The following ACSL5 variants were observed in gnomAD, a reference collection of about 807,000 sequenced individuals.
ACSL5 encodes the protein long-chain-fatty-acid--CoA ligase 5.
Under a neutral mutation model 84.9 loss-of-function variants are expected in ACSL5, and 50 were observed. The observed-to-expected ratio is 0.59, with a 90% CI of 0.47 to 0.75. The LOEUF is 0.75. Ranked by LOEUF, ACSL5 falls within the 30% of genes least tolerant of loss-of-function variation. The probability of loss-of-function intolerance (pLI) is 0.00; values close to 1 mark genes in which losing one functional copy is unlikely to be tolerated. For missense variants in ACSL5, 775 were observed against 830.4 expected, an observed-to-expected ratio of 0.93 and a Z score of 0.82; for synonymous variants, 280 against 300.7, an observed-to-expected ratio of 0.93 and a Z score of 0.71.
intron 16 of ACSL5, 79 bp downstream of exon 16, chr10:112,422,114 C>T: frequency 4.0e-6 from 6 of 1,510,384 alleles, no homozygotes; most frequent in Non-Finnish European, 4.6e-6. Flanking sequence ...TGTAAGCAAA[C>T]TTGGATTTGG....
intron 17 of ACSL5, among the ~76,000 whole-genome samples, chr10:112,423,187 C>CAAAAAAAAAAAAAAAAAAAAAAAAAAA (rs1163487735): frequency 6.0e-5 from 1 of 16,564 alleles, no homozygotes; most frequent in Non-Finnish European, 9.1e-5. Flanking sequence ...GTCTCTGTCT[C>CAAAAAAAAAAAAAAAAAAAAAAAAAAA]AAAAAAAAAA....
intron 1 of ACSL5, among the ~76,000 whole-genome samples, chr10:112,386,745 T>C (rs4918745): frequency 0.3 from 45,658 of 151,780 alleles, 6,840 homozygotes; most frequent in Middle Eastern, 0.36. Flanking sequence ...TTTCTAGCCT[T>C]CTTAGGTACT....
At chr10:112,392,214 G>A (rs1275593467) in intron 1 of ACSL5, among the ~76,000 whole-genome samples, 3 of 152,356 alleles carry the variant, frequency 2.0e-5, no homozygotes, top group Non-Finnish European at 2.9e-5. Context: ...GCTCACACCT[G>A]TAATCCCAGC....
Position 112,427,354 on chromosome 10 carries a change from A to C in ACSL5, c.2048A>C (p.Asp683Ala). The stretch of plus-strand genomic sequence containing the variant: ...GACAGCCTGTATGAGCACATCCAGG[A>C]TTAGGATAAGGTACTTAAGTACCTG... The part of the protein sequence containing the change: ...QIDSLYEHIQ[D>A] The change falls in exon 21 of 21, where the codon GAT becomes GCT. Residue 683 changes from aspartate to alanine, a missense_variant. Coordinates refer to ENST00000354655, the MANE Select transcript of ACSL5 (RefSeq NM_203379.2). 6.2e-7 allele frequency: 1 copy of C among 1,612,144 alleles called. No homozygotes were observed. Among genetic ancestry groups the C allele is most frequent in the Non-Finnish European group, 8.5e-7 (1 of 1,179,162 alleles).
intron 5 of ACSL5, among the ~76,000 whole-genome samples, chr10:112,405,759 G>A (rs1247530418): frequency 6.6e-6 from 1 of 152,110 alleles, no homozygotes; most frequent in Non-Finnish European, 1.5e-5. Context: ...TGATAATATA[G>A]GTAGTTGATT....
chr10:112,414,290 G>C (rs935911303), intron 12 of ACSL5, among the ~76,000 whole-genome samples: 3 of 149,628 alleles, frequency 2.0e-5, no homozygotes, highest in Non-Finnish European at 4.4e-5. Context: ...TAGCCAATGA[G>C]ATTTTCTCTT....
At chr10:112,416,470 CAAA>C (rs35770074) in intron 12 of ACSL5, among the ~76,000 whole-genome samples, 69 of 58,398 alleles carry the variant, frequency 1.2e-3, no homozygotes, top group African/African-American at 4.4e-3. Flanking sequence ...GACTCTGTCT[CAAA>C]AAAAAAAAAA....
chr10:112,422,764 G>A (rs1844500394), intron 17 of ACSL5, among the ~76,000 whole-genome samples: 2 of 151,242 alleles, frequency 1.3e-5, no homozygotes, highest in Admixed American at 1.3e-4. Context: ...GCTGAGGCAG[G>A]AGAATCGCTT....
intron 3 of ACSL5, among the ~76,000 whole-genome samples, chr10:112,400,406 CTTTTTTTTTTTT>C (rs573644087): frequency 8.1e-5 from 8 of 98,864 alleles, no homozygotes; most frequent in African/African-American, 1.6e-4. Flanking sequence ...TTTTTCTTTT[CTTTTTTTTTTTT>C]TTTTTTTTTG....
chr10:112,382,571 G>T (rs1363236980), intron 1 of ACSL5, among the ~76,000 whole-genome samples: 1 of 152,158 alleles, frequency 6.6e-6, no homozygotes, highest in South Asian at 2.1e-4. Flanking sequence ...GGCTTATTCT[G>T]CTCCACCTCT....
At chr10:112,420,547 A>T (rs1240308417) in intron 14 of ACSL5, among the ~76,000 whole-genome samples, 1 of 152,008 alleles carries the variant, frequency 6.6e-6, no homozygotes, top group African/African-American at 2.4e-5. Flanking sequence ...CCCTTGTTTT[A>T]TATCATAGTG....
intron 2 of ACSL5, chr10:112,395,894 C>T (rs1843737778): frequency 2.6e-5 from 4 of 152,434 alleles, no homozygotes; most frequent in African/African-American, 9.6e-5. Flanking sequence ...CTCTACTCTC[C>T]AGCTCCTCTC....
chr10:112,423,559 A>C (rs567951312), intron 17 of ACSL5, among the ~76,000 whole-genome samples: 1 of 152,036 alleles, frequency 6.6e-6, no homozygotes, highest in African/African-American at 2.4e-5. Flanking sequence ...GATGTAGACC[A>C]GTTGAAGTGT....
intron 12 of ACSL5, among the ~76,000 whole-genome samples, chr10:112,415,374 T>A (rs1053870034): frequency 6.6e-6 from 1 of 152,144 alleles, no homozygotes; most frequent in Non-Finnish European, 1.5e-5. Context: ...TAATTTTTTG[T>A]ATTTTTAGTA....
In ACSL5 at chr10:112,425,479, C is replaced by T. The variant is rs111401860; in HGVS notation, c.1735C>T (p.Arg579Trp). ...AATTTTTGTACACGGGGAGAGCTTA[C>T]GGGTAATATATCATTTTAACAATAG... The part of the protein sequence containing the change: ...LQIFVHGESL[R>W]SSLVGVVVPD... The change falls in exon 18 of 21, where the codon CGG (arginine) becomes TGG (tryptophan). Residue 579 changes from arginine to tryptophan, a missense_variant and splice_region_variant. By Grantham distance (101) the Arg-to-Trp change is moderately radical (BLOSUM62 -3). Coordinates refer to ENST00000354655, the MANE Select transcript of ACSL5 (RefSeq NM_203379.2). 99 of 1,604,324 alleles carry T rather than the reference C, an allele frequency of 6.2e-5. No homozygotes were observed. Among genetic ancestry groups the T allele is most frequent in the Non-Finnish European group, 7.7e-5 (91 of 1,175,972 alleles).
intron 5 of ACSL5, chr10:112,406,512 A>G (rs1053649870): frequency 1.3e-5 from 2 of 152,302 alleles, no homozygotes; most frequent in Non-Finnish European, 2.9e-5. Context: ...GATTCAGTCC[A>G]TAACATCTAC....
chr10:112,392,103 G>A (rs1025729877), intron 1 of ACSL5, among the ~76,000 whole-genome samples: 2 of 152,190 alleles, frequency 1.3e-5, no homozygotes, highest in African/African-American at 2.4e-5. Flanking sequence ...TTCCATAGTC[G>A]AACAGGAGGG....
chr10:112,411,283 G>A (rs983402134), intron 9 of ACSL5, 173 bp from the exon 10 acceptor site: 10 of 600,766 alleles, frequency 1.7e-5, no homozygotes, highest in African/African-American at 5.6e-5. Context: ...TAGAATCTCC[G>A]GGGGCATTAA....
chr10:112,375,797 T>C (rs893401116), intron 1 of ACSL5, among the ~76,000 whole-genome samples: 1 of 152,212 alleles, frequency 6.6e-6, no homozygotes, highest in African/African-American at 2.4e-5. Flanking sequence ...CTGACTTGCT[T>C]ATTTTCTTGG....
Sources: allele counts gnomAD v4.1 joint callset (sites outside exome capture counted in the v4.1 genomes callset), GRCh38; gene constraint gnomAD v4.1.1; transcripts MANE v1.5; gene names NCBI Gene and HGNC (gene_info 2026-07-23, HGNC 2026-07-21).